The following CGNL1 variants were observed in gnomAD, a reference collection of about 807,000 sequenced individuals.
CGNL1 encodes the protein cingulin-like protein 1.
CGNL1 carries 132 observed loss-of-function variants against 141.2 expected under a neutral mutation model. The observed-to-expected ratio is 0.93, with a 90% confidence interval of 0.81 to 1.08. The LOEUF is 1.08. Ranked by LOEUF, CGNL1 falls within the 50% of genes least tolerant of loss-of-function variation. The pLI, the probability that CGNL1 is intolerant of heterozygous loss-of-function variation, is 0.00. For synonymous variants in CGNL1, 690 were observed against 622.1 expected, an observed-to-expected ratio of 1.11 and a Z score of -1.63; for missense variants, 1,870 against 1,588.6, an observed-to-expected ratio of 1.18 and a Z score of -3.01.
chr15:57,488,626 G>C lies in CGNL1; in HGVS notation c.2403+26734G>C, dbSNP rs374945557. Among the ~76,000 whole-genome samples, 63 of 152,248 alleles carry C rather than the reference G, an allele frequency of 4.1e-4. No individual in the cohort carries two copies. In the South Asian group the frequency reaches 4.2e-3, roughly 10 times the overall value. ...CACTGAGAAAGCCCAAGGGTACACTGGTCCCTTCAGTCAAGCTGCATTAGT... is the reference window on the plus strand; with the variant it reads ...CACTGAGAAAGCCCAAGGGTACACTCGTCCCTTCAGTCAAGCTGCATTAGT... On this transcript the variant is annotated intron_variant, in intron 8 of 18. Coordinates refer to ENST00000281282, the MANE Select transcript of CGNL1 (RefSeq NM_032866.5).
intron 8 of CGNL1, among the ~76,000 whole-genome samples, chr15:57,490,412 G>A (rs1052709241): frequency 2.7e-5 from 4 of 147,948 alleles, no homozygotes; most frequent in Non-Finnish European, 4.5e-5. Flanking sequence ...ACACACACAC[G>A]CACGCACGCG....
In CGNL1 at chr15:57,438,637, T is replaced by C. The variant is rs775400774; in HGVS notation, c.638T>C (p.Val213Ala). Residue 213 changes from valine (V) to alanine (A), a missense_variant, in exon 2 of 19, where the codon GTG (valine) becomes GCG (alanine). Coordinates refer to ENST00000281282, the MANE Select transcript of CGNL1 (RefSeq NM_032866.5). ...TTGGAAGACCCGGCCAAATCTGGTG[T>C]GACAGCTATTCGTTTATGCAGCTCC... is the stretch of plus-strand genomic sequence containing the variant. ...PSLEDPAKSG[V>A]TAIRLCSSVV... is the part of the protein sequence containing the mutation. The C allele has an allele frequency of 8.7e-6, 14 of 1,613,990 alleles. No homozygotes were observed. Among genetic ancestry groups the C allele is most frequent in the Middle Eastern group, 3.3e-4 (2 of 6,084 alleles).
At chr15:57,473,781 G>A (rs1180462413) in intron 8 of CGNL1, among the ~76,000 whole-genome samples, 1 of 151,852 alleles carries the variant, frequency 6.6e-6, no homozygotes, top group East Asian at 1.9e-4. Flanking sequence ...AGATCCTCTG[G>A]CCCCAGTCAA....
intron 8 of CGNL1, among the ~76,000 whole-genome samples, chr15:57,492,733 T>G (rs2063884369): frequency 6.6e-6 from 1 of 151,650 alleles, no homozygotes; most frequent in African/African-American, 2.4e-5. Context: ...CTCAGGGGAA[T>G]TAAAGCTTCT....
intron 7 of CGNL1, among the ~76,000 whole-genome samples, chr15:57,458,317 C>T (rs1476072206): frequency 6.6e-6 from 1 of 152,000 alleles, no homozygotes; most frequent in African/African-American, 2.4e-5. Context: ...ATAATTAAGC[C>T]CCGAGGTGAT....
At chr15:57,448,465 A>G (rs11634985) in intron 4 of CGNL1, among the ~76,000 whole-genome samples, 34,422 of 151,954 alleles carry the variant, frequency 0.23, 3,978 homozygotes, top group Middle Eastern at 0.27. Flanking sequence ...CCTGGTCAAC[A>G]TGGTGAAACC....
At position 57,461,876 on chromosome 15, in the gene CGNL1, T is replaced by C. The variant is rs1225128785; in HGVS notation, c.2387T>C (p.Val796Ala). Residue 796 changes from valine (V) to alanine (A), a missense_variant, in exon 8 of 19, where the codon GTG becomes GCG. Coordinates refer to ENST00000281282, the MANE Select transcript of CGNL1 (RefSeq NM_032866.5). ...GAGTTGCAGGCCCTGAGGGAGAGTG[T>C]GGAAGAAGCAACCAAGGTGAGGGAT... Reference protein sequence around the residue: ...DAELQALRESVEEATKNVEVL... With the variant: ...DAELQALRESAEEATKNVEVL... 1.2e-6 allele frequency: 2 copies of C among 1,613,510 alleles called. No individual in the cohort carries two copies. The highest frequency in any genetic ancestry group is 3.3e-5 in the Admixed American group (2 of 59,970).
At chr15:57,470,424 C>A (rs1434774443) in intron 8 of CGNL1, among the ~76,000 whole-genome samples, 4 of 151,876 alleles carry the variant, frequency 2.6e-5, no homozygotes, top group Admixed American at 1.3e-4. Flanking sequence ...TGGCTGTGAT[C>A]CCAGGTGCCT....
At chr15:57,517,370 G>A (rs2030899374) in intron 9 of CGNL1, among the ~76,000 whole-genome samples, 1 of 152,148 alleles carries the variant, frequency 6.6e-6, no homozygotes, top group South Asian at 2.1e-4. Flanking sequence ...TGTTTTTGAA[G>A]TGACACTGAT....
At chr15:57,386,817 T>C (rs903288872) in intron 1 of CGNL1, among the ~76,000 whole-genome samples, 4 of 152,212 alleles carry the variant, frequency 2.6e-5, no homozygotes, top group African/African-American at 7.2e-5. Context: ...AGTAAAATAC[T>C]ATTTGATGTT....
intron 14 of CGNL1, among the ~76,000 whole-genome samples, chr15:57,538,784 C>T (rs1376833828): frequency 1.3e-5 from 2 of 152,198 alleles, no homozygotes; most frequent in African/African-American, 2.4e-5. Context: ...ACCATAGACA[C>T]GTTCTCCTTC....
At chr15:57,443,798 T>G (rs898610364) in intron 4 of CGNL1, among the ~76,000 whole-genome samples, 2 of 152,230 alleles carry the variant, frequency 1.3e-5, no homozygotes, top group East Asian at 3.8e-4. Flanking sequence ...CGATTCTTGT[T>G]TTTTTGTATA....
chr15:57,384,488 T>C (rs984720860), intron 1 of CGNL1, among the ~76,000 whole-genome samples: 2 of 152,234 alleles, frequency 1.3e-5, no homozygotes, highest in South Asian at 2.1e-4. Context: ...GGCTCTGAGC[T>C]ATGCTAACAA....
At chr15:57,477,377 G>GA (rs2063669816) in intron 8 of CGNL1, 2 of 152,214 alleles carry the variant, frequency 1.3e-5, no homozygotes, top group Non-Finnish European at 2.9e-5. Context: ...TTAGATGCTA[G>GA]CAAACTTCGT....
chr15:57,475,594 G>A (rs2063645090), intron 8 of CGNL1, among the ~76,000 whole-genome samples: 1 of 151,820 alleles, frequency 6.6e-6, no homozygotes, highest in Non-Finnish European at 1.5e-5. Flanking sequence ...CCTAGTTAAT[G>A]AGCAATAGAT....
intron 8 of CGNL1, among the ~76,000 whole-genome samples, chr15:57,471,789 G>A (rs11632811): frequency 6.6e-6 from 1 of 152,122 alleles, no homozygotes; most frequent in East Asian, 1.9e-4. Context: ...TGTTGATACA[G>A]TTTTTGGAAT....
chr15:57,442,333 G>C, intron 3 of CGNL1, 40 bp from the exon 4 acceptor site: 1 of 1,276,418 alleles, frequency 7.8e-7, no homozygotes, highest in Non-Finnish European at 1.1e-6. Context: ...GAGACCAGTG[G>C]TTGTGTCCCT....
chr15:57,495,655 A>G (rs1301400269), intron 8 of CGNL1, among the ~76,000 whole-genome samples: 1 of 152,202 alleles, frequency 6.6e-6, no homozygotes, highest in Non-Finnish European at 1.5e-5. Flanking sequence ...TCTACATATG[A>G]GAGCACTGAT....
chr15:57,428,882 G>T (rs879843621), intron 1 of CGNL1, among the ~76,000 whole-genome samples: 1 of 152,008 alleles, frequency 6.6e-6, no homozygotes, highest in Non-Finnish European at 1.5e-5. Context: ...AATTAGCTGG[G>T]TGTGGCGACA....
Sources: allele counts gnomAD v4.1 joint callset (sites outside exome capture counted in the v4.1 genomes callset), GRCh38; gene constraint gnomAD v4.1.1; transcripts MANE v1.5; gene names NCBI Gene and HGNC (gene_info 2026-07-23, HGNC 2026-07-21).